The following CTPS2 variants were observed in gnomAD, a reference collection of about 807,000 sequenced individuals.
CTPS2 encodes CTP synthase II.
In CTPS2, 19 loss-of-function variants were observed where a neutral mutation model predicts 46.8. That is an observed-to-expected ratio of 0.41 (90% CI 0.28 to 0.60). The LOEUF (loss-of-function observed/expected upper bound fraction) is 0.60, where lower values mean the gene tolerates loss of function less well. Ranked by LOEUF, CTPS2 falls within the 20% of genes least tolerant of loss-of-function variation. CTPS2 has a pLI of 0.35. For missense variants in CTPS2, 286 were observed against 447.6 expected (o/e 0.64, Z 3.26); for synonymous variants, 151 against 165.2 (o/e 0.91, Z 0.66).
Position 16,588,195 on chromosome X carries a change from AG to A in CTPS2, c.*1621del, listed in dbSNP as rs749062171. 2 of 111,852 alleles carry A rather than the reference AG, an allele frequency of 1.8e-5. No individual in the cohort carries two copies. Among genetic ancestry groups the A allele is most frequent in the East Asian group, 5.7e-4 (2 of 3,538 alleles). 9.2% of individuals were successfully genotyped at this position (111,852 alleles called of 1,213,427 possible). A position where few individuals can be genotyped will look rare whatever the true frequency, so the allele number is the denominator to read the frequency against. ...CCCAGACAAAGCACGCGAAGGGTAGAGGATATAGGTTAGCATCATCTGGTTG... is the reference window on the plus strand; with the variant it reads ...CCCAGACAAAGCACGCGAAGGGTAGAGATATAGGTTAGCATCATCTGGTTG... On this transcript the variant is annotated 3_prime_UTR_variant, in exon 19 of 19. Transcript: ENST00000359276.
chrX:16,628,650 G>A (rs777627512), intron 14 of CTPS2, among the ~76,000 whole-genome samples: 15 of 112,054 alleles, frequency 1.3e-4, no homozygotes, highest in Non-Finnish European at 2.3e-4. Context: ...ACAGACGTAA[G>A]CCACCACACC....
At chrX:16,703,828 CA>C (rs1371073953) in intron 1 of CTPS2, among the ~76,000 whole-genome samples, 1 of 111,559 alleles carries the variant, frequency 9.0e-6, no homozygotes, top group African/African-American at 3.3e-5. Context: ...CAAACTTCAT[CA>C]TGATAAACCA....
intron 17 of CTPS2, among the ~76,000 whole-genome samples, chrX:16,593,428 C>CAA (rs5901587): frequency 1.4e-3 from 43 of 29,812 alleles, no homozygotes; most frequent in African/African-American, 4.6e-3. Context: ...GACTCTGTCT[C>CAA]AAAAAAAAAA....
At chrX:16,635,059 T>A (rs1931673088) in intron 14 of CTPS2, among the ~76,000 whole-genome samples, 1 of 111,782 alleles carries the variant, frequency 8.9e-6, no homozygotes, top group South Asian at 3.7e-4. Flanking sequence ...ACTAGAGGAC[T>A]CTTTACTTTC....
intron 13 of CTPS2, among the ~76,000 whole-genome samples, chrX:16,644,347 A>G (rs1200954409): frequency 9.0e-6 from 1 of 111,112 alleles, no homozygotes; most frequent in Non-Finnish European, 1.9e-5. Flanking sequence ...CATGTTGCCC[A>G]GGCTGGTCTG....
At chrX:16,628,767 G>C (rs964545685) in intron 14 of CTPS2, among the ~76,000 whole-genome samples, 4 of 111,851 alleles carry the variant, frequency 3.6e-5, no homozygotes, top group Non-Finnish European at 3.8e-5. Context: ...TAGCAGCCAA[G>C]AAAGACAGAA....
At chrX:16,590,971 A>C (rs750068390) in intron 17 of CTPS2, 109 bp from the exon 18 acceptor site, 103 of 496,376 alleles carry the variant, frequency 2.1e-4, no homozygotes, top group Non-Finnish European at 2.5e-4. Context: ...TATGAGAGAA[A>C]ATACTAAAGA....
intron 13 of CTPS2, chrX:16,651,234 C>T (rs1188118810): frequency 4.5e-6 from 4 of 879,793 alleles, no homozygotes; most frequent in African/African-American, 4.0e-5. Flanking sequence ...TTATAGGGAC[C>T]GTCGCTTGAG....
At chrX:16,615,544 G>A (rs1293901898) in intron 16 of CTPS2, among the ~76,000 whole-genome samples, 5 of 111,326 alleles carry the variant, frequency 4.5e-5, no homozygotes, top group Non-Finnish European at 9.4e-5. Flanking sequence ...TACCTTTCCT[G>A]AAAGTAGGTC....
At chrX:16,595,162 T>TACACAC (rs10643985) in intron 17 of CTPS2, among the ~76,000 whole-genome samples, 1,383 of 102,694 alleles carry the variant, frequency 0.013, 16 homozygotes, top group African/African-American at 0.034. Context: ...AGCAATCTTT[T>TACACAC]ACACACACAC....
chrX:16,686,596 G>A (rs756085591), intron 8 of CTPS2, among the ~76,000 whole-genome samples: 1 of 112,587 alleles, frequency 8.9e-6, no homozygotes, highest in Non-Finnish European at 1.9e-5. Context: ...AGAAGGTGAT[G>A]TGAAGATGGA....
In CTPS2 at chrX:16,691,565, A is replaced by G. The variant is rs1923705016; in HGVS notation, c.695T>C (p.Met232Thr). 1 of 1,209,995 alleles carries G rather than the reference A, an allele frequency of 8.3e-7. No individual in the cohort carries two copies. Among genetic ancestry groups the G allele is most frequent in the Admixed American group, 2.2e-5 (1 of 45,738 alleles). The change falls in exon 7 of 19, where the codon ATG becomes ACG. Residue 232 changes from methionine (M) to threonine (T), a missense_variant. Physicochemically the swap from Met to Thr is moderately conservative, Grantham distance 81 (BLOSUM62 -1). Coordinates refer to ENST00000359276, the MANE Select transcript of CTPS2 (RefSeq NM_175859.3). ...CTGTTCAGGGTTCACGTGACAAAAC[A>G]TAGAAATCTTCTCCTTCACGGCCAT... Reference protein sequence around the residue: ...IEMAVKEKISMFCHVNPEQVI... With the variant: ...IEMAVKEKISTFCHVNPEQVI...
chrX:16,657,291 C>T (rs928278672), intron 13 of CTPS2, among the ~76,000 whole-genome samples: 2 of 106,090 alleles, frequency 1.9e-5, no homozygotes, highest in African/African-American at 3.5e-5. Context: ...GATGACTCTC[C>T]GAGGTGGGCA....
At chrX:16,692,609 A>G (rs953740222) in intron 6 of CTPS2, among the ~76,000 whole-genome samples, 3 of 112,098 alleles carry the variant, frequency 2.7e-5, no homozygotes, top group Non-Finnish European at 5.6e-5. Flanking sequence ...CCAACTATCA[A>G]TGTGGCCCAT....
At chrX:16,703,085 G>A (rs1278193402) in intron 1 of CTPS2, 144 bp from the exon 2 acceptor site, 1 of 400,003 alleles carries the variant, frequency 2.5e-6, no homozygotes, top group Non-Finnish European at 4.2e-6. Flanking sequence ...GCAGTGAGTG[G>A]TGCAATCATG....
intron 14 of CTPS2, among the ~76,000 whole-genome samples, chrX:16,633,267 T>C (rs1437093300): frequency 1.8e-5 from 2 of 109,367 alleles, no homozygotes; most frequent in African/African-American, 3.3e-5. Context: ...AAAAATTTTT[T>C]TGTAGAGACA....
intron 17 of CTPS2, among the ~76,000 whole-genome samples, chrX:16,599,613 A>T (rs2147168394): frequency 9.2e-6 from 1 of 108,635 alleles, no homozygotes; most frequent in South Asian, 4.1e-4. Context: ...AGTAGCTGGG[A>T]TTACAGGCAT....
chrX:16,684,509 C>CAAAAAAAAAAAAAAAAA (rs1334791360), intron 8 of CTPS2, among the ~76,000 whole-genome samples: 5 of 70,040 alleles, frequency 7.1e-5, no homozygotes, highest in African/African-American at 1.5e-4. Flanking sequence ...ACTCTGTCTC[C>CAAAAAAAAAAAAAAAAA]AAAAAAAAAA....
chrX:16,603,952 G>A (rs1171824371), intron 17 of CTPS2, among the ~76,000 whole-genome samples: 1 of 111,317 alleles, frequency 9.0e-6, no homozygotes, highest in African/African-American at 3.3e-5. Context: ...AGGAGAGAAT[G>A]GACTTAGATC....
Sources: allele counts gnomAD v4.1 joint callset (sites outside exome capture counted in the v4.1 genomes callset), GRCh38; gene constraint gnomAD v4.1.1; transcripts MANE v1.5; gene names NCBI Gene and HGNC (gene_info 2026-07-23, HGNC 2026-07-21).